The following TMEM17 variants were observed in gnomAD, a reference collection of about 807,000 sequenced individuals.
TMEM17 encodes the protein transmembrane protein 17.
Under a neutral mutation model 19.1 loss-of-function variants are expected in TMEM17, and 15 were observed. The observed-to-expected ratio is 0.78, with a 90% CI of 0.52 to 1.21. The LOEUF (loss-of-function observed/expected upper bound fraction) is 1.21. TMEM17 is among the 50% of genes most tolerant of loss of function. The pLI is 0.00. For missense variants in TMEM17, 245 were observed against 242.3 expected, an observed-to-expected ratio of 1.01 and a Z score of -0.07; for synonymous variants, 103 against 86.9, an observed-to-expected ratio of 1.19 and a Z score of -1.03.
the TMEM17 span, among the ~76,000 whole-genome samples, chr2:62,475,897 G>A: frequency 7.0e-4 from 106 of 151,872 alleles, 1 homozygote; most frequent in Admixed American, 2.4e-3. Flanking sequence ...TGGAATGTGT[G>A]GATGGGGGCG....
the TMEM17 span, among the ~76,000 whole-genome samples, chr2:62,479,889 C>CAAAAAAAAAAAA: frequency 1.5e-5 from 1 of 68,900 alleles, no homozygotes; most frequent in Non-Finnish European, 2.9e-5. Flanking sequence ...AGACCTGTCT[C>CAAAAAAAAAAAA]AAAAAAAAAA....
chr2:62,492,212 C>G, the TMEM17 span, among the ~76,000 whole-genome samples: 1 of 152,154 alleles, frequency 6.6e-6, no homozygotes, highest in African/African-American at 2.4e-5. Context: ...TCTTTGGAAC[C>G]AGACAAGGTT....
chr2:62,460,985 A>G, the TMEM17 span, among the ~76,000 whole-genome samples: 11 of 152,254 alleles, frequency 7.2e-5, no homozygotes, highest in African/African-American at 2.4e-4. Flanking sequence ...ATGAGGACAG[A>G]TTTTGGAGGA....
At chr2:62,483,761 G>A in the TMEM17 span, among the ~76,000 whole-genome samples, 1 of 151,904 alleles carries the variant, frequency 6.6e-6, no homozygotes, top group East Asian at 1.9e-4. Context: ...CACCGCGCCC[G>A]GCTAATTTTT....
the TMEM17 span, among the ~76,000 whole-genome samples, chr2:62,479,485 C>G: frequency 2.0e-5 from 3 of 152,098 alleles, no homozygotes; most frequent in Admixed American, 1.3e-4. Context: ...TGTTGGACAC[C>G]TAGGTTGATT....
the TMEM17 span, among the ~76,000 whole-genome samples, chr2:62,464,710 T>C: frequency 6.6e-6 from 1 of 152,170 alleles, no homozygotes; most frequent in Non-Finnish European, 1.5e-5. Context: ...TTCAAATCCG[T>C]CTCCCGGAGC....
the TMEM17 span, among the ~76,000 whole-genome samples, chr2:62,467,289 G>T: frequency 6.6e-6 from 1 of 151,788 alleles, no homozygotes; most frequent in Non-Finnish European, 1.5e-5. Flanking sequence ...ATCCCCAGGT[G>T]GTTCTCTTGT....
the TMEM17 span, among the ~76,000 whole-genome samples, chr2:62,459,317 T>TA: frequency 6.6e-6 from 1 of 152,236 alleles, no homozygotes; most frequent in Non-Finnish European, 1.5e-5. Flanking sequence ...GCCCCTTACT[T>TA]ACGTCACTGA....
At chr2:62,492,822 T>C in the TMEM17 span, among the ~76,000 whole-genome samples, 1 of 151,990 alleles carries the variant, frequency 6.6e-6, no homozygotes, top group Non-Finnish European at 1.5e-5. Flanking sequence ...ATAAGTAGAG[T>C]TTCACCACAT....
chr2:62,469,107 A>T, the TMEM17 span, among the ~76,000 whole-genome samples: 2 of 152,236 alleles, frequency 1.3e-5, no homozygotes, highest in African/African-American at 4.8e-5. Flanking sequence ...TCAGGTACAC[A>T]TTTAATTTTT....
chr2:62,486,474 T>C, the TMEM17 span, among the ~76,000 whole-genome samples: 15 of 152,226 alleles, frequency 9.9e-5, no homozygotes, highest in Non-Finnish European at 1.5e-5. Context: ...GTAGGAATGA[T>C]CTTCCAGCAA....
chr2:62,501,624 C>CT, intron 3 of TMEM17, 137 bp from the exon 4 acceptor site: 1 of 839,156 alleles, frequency 1.2e-6, no homozygotes, highest in Non-Finnish European at 1.8e-6. Context: ...TGACATGGTC[C>CT]TTGTCCTCAG....
At chr2:62,493,202 A>AT in the TMEM17 span, among the ~76,000 whole-genome samples, 187 of 151,464 alleles carry the variant, frequency 1.2e-3, no homozygotes, top group African/African-American at 4.4e-3. Flanking sequence ...ATTTTTTTCT[A>AT]TTTTTTGTAG....
chr2:62,457,593 G>T, the TMEM17 span, among the ~76,000 whole-genome samples: 2 of 151,560 alleles, frequency 1.3e-5, no homozygotes, highest in African/African-American at 4.9e-5. The surrounding 1 kb of genome is among the most constrained non-coding windows in gnomAD (Gnocchi z 4.2). Context: ...CATCTGATTC[G>T]GAAGTCCTCG....
chr2:62,493,710 C>T, the TMEM17 span, among the ~76,000 whole-genome samples: 1 of 152,172 alleles, frequency 6.6e-6, no homozygotes, highest in African/African-American at 2.4e-5. Context: ...TTAGTTCTCC[C>T]TCTCAGCTTT....
downstream of TMEM17, among the ~76,000 whole-genome samples, chr2:62,496,541 A>G (rs1042871651): frequency 1.3e-5 from 2 of 152,234 alleles, no homozygotes; most frequent in Non-Finnish European, 2.9e-5. Flanking sequence ...TCAGAAAAGC[A>G]GGGTGCACAA....
downstream of TMEM17, among the ~76,000 whole-genome samples, chr2:62,497,402 T>C (rs1246617868): frequency 2.6e-5 from 4 of 152,214 alleles, no homozygotes; most frequent in Non-Finnish European, 1.5e-5. Flanking sequence ...CCTTCCAAGT[T>C]TCTCTGCCTT....
At chr2:62,470,995 A>G in the TMEM17 span, among the ~76,000 whole-genome samples, 3 of 152,198 alleles carry the variant, frequency 2.0e-5, no homozygotes, top group African/African-American at 7.2e-5. Context: ...CTGCTTCTCA[A>G]AAAGAGGCCA....
the TMEM17 span, among the ~76,000 whole-genome samples, chr2:62,467,546 T>G: frequency 6.6e-6 from 1 of 152,186 alleles, no homozygotes; most frequent in Admixed American, 6.5e-5. Context: ...CTGCCTCAGG[T>G]GCCAACTGAG....
Sources: gnomAD v4.1 joint callset for allele counts (sites outside exome capture counted in the v4.1 genomes callset) on GRCh38, gnomAD v4.1.1 for gene constraint, Gnocchi (gnomAD v3.1) non-coding constraint, MANE v1.5 for transcripts, NCBI Gene and HGNC (gene_info 2026-07-23, HGNC 2026-07-21) for gene names.